PRELID2: variants seen among roughly 807,000 people sequenced by gnomAD.
The protein encoded by PRELID2 is PRELI domain containing 2, also known as PRELI domain-containing protein 2.
Under a neutral mutation model 28.4 loss-of-function variants are expected in PRELID2, and 25 were observed. The observed-to-expected ratio is 0.88, with a 90% CI of 0.64 to 1.23. The LOEUF (loss-of-function observed/expected upper bound fraction) is 1.23. PRELID2 is among the 50% of genes most tolerant of loss of function. The pLI is 0.00. For synonymous variants in PRELID2, 76 were observed against 71.6 expected (o/e 1.06, Z -0.31); for missense variants, 201 against 214.4 (o/e 0.94, Z 0.39).
At chr5:145,643,793 C>T (rs1197022932) in intron 1 of PRELID2, among the ~76,000 whole-genome samples, 1 of 152,100 alleles carries the variant, frequency 6.6e-6, no homozygotes, top group African/African-American at 2.4e-5. Context: ...GTCATTGGTT[C>T]TCTTTATGTG....
chr5:145,512,958 T>C (rs890948613), intron 1 of PRELID2, among the ~76,000 whole-genome samples: 1 of 151,750 alleles, frequency 6.6e-6, no homozygotes, highest in African/African-American at 2.4e-5. Context: ...AAAAAGGACG[T>C]CCACACAAAA....
chr5:145,641,605 G>A (rs1369993367), intron 1 of PRELID2, among the ~76,000 whole-genome samples: 1 of 152,188 alleles, frequency 6.6e-6, no homozygotes, highest in African/African-American at 2.4e-5. Flanking sequence ...GTGGTTTGCT[G>A]CACCCATCAA....
At chr5:145,552,612 G>C (rs939660882) in intron 1 of PRELID2, among the ~76,000 whole-genome samples, 1 of 151,798 alleles carries the variant, frequency 6.6e-6, no homozygotes. Context: ...CAAGAAATTA[G>C]AACCAAAAAG....
At chr5:145,614,378 G>A (rs1463922576) in intron 1 of PRELID2, among the ~76,000 whole-genome samples, 2 of 152,074 alleles carry the variant, frequency 1.3e-5, no homozygotes, top group African/African-American at 4.8e-5. Context: ...ATTTTGATGG[G>A]GATTGCACTG....
At chr5:145,442,323 G>C in the PRELID2 span, among the ~76,000 whole-genome samples, 3 of 152,016 alleles carry the variant, frequency 2.0e-5, no homozygotes, top group Admixed American at 1.3e-4. Context: ...AATACCTTTA[G>C]TTGTGCCTGG....
At chr5:145,599,078 C>T (rs79715377) in intron 1 of PRELID2, among the ~76,000 whole-genome samples, 2,108 of 152,078 alleles carry the variant, frequency 0.014, 47 homozygotes, top group African/African-American at 0.047. Context: ...GTTGTGGGAC[C>T]GAAAGAGCTG....
At chr5:145,485,201 A>G (rs1439875845) in intron 1 of PRELID2, among the ~76,000 whole-genome samples, 1 of 152,252 alleles carries the variant, frequency 6.6e-6, no homozygotes, top group Non-Finnish European at 1.5e-5. Flanking sequence ...GAATTCTGGA[A>G]GAACTAATAG....
intron 1 of PRELID2, among the ~76,000 whole-genome samples, chr5:145,582,686 G>A (rs974703747): frequency 6.6e-6 from 1 of 152,048 alleles, no homozygotes; most frequent in Non-Finnish European, 1.5e-5. Flanking sequence ...ACAGAAACTA[G>A]CAAATACAGA....
At chr5:145,800,343 C>T (rs1753052445) in intron 4 of PRELID2, among the ~76,000 whole-genome samples, 2 of 148,100 alleles carry the variant, frequency 1.4e-5, no homozygotes, top group Admixed American at 1.4e-4. Context: ...CACGAGTTAT[C>T]CCATCCACTC....
At chr5:145,512,238 TCTAA>T (rs1752468106) in intron 1 of PRELID2, among the ~76,000 whole-genome samples, 1 of 152,094 alleles carries the variant, frequency 6.6e-6, no homozygotes, top group African/African-American at 2.4e-5. Context: ...TTTCTACACT[TCTAA>T]CTGAGGTACC....
intron 1 of PRELID2, among the ~76,000 whole-genome samples, chr5:145,539,426 T>A (rs1298586655): frequency 6.6e-6 from 1 of 151,978 alleles, no homozygotes; most frequent in Non-Finnish European, 1.5e-5. Context: ...AGCCCAAGAA[T>A]CTGTATTCTA....
the PRELID2 span, among the ~76,000 whole-genome samples, chr5:145,435,301 G>A: frequency 9.2e-5 from 14 of 152,160 alleles, no homozygotes; most frequent in Non-Finnish European, 1.3e-4. Context: ...GGTGACACTT[G>A]AGCTGACTCA....
At chr5:145,364,670 T>C in the PRELID2 span, among the ~76,000 whole-genome samples, 10 of 152,126 alleles carry the variant, frequency 6.6e-5, no homozygotes, top group Admixed American at 5.3e-4. Context: ...GAGTAGCTCC[T>C]GGAGAGTAAA....
At chr5:145,371,906 C>T in the PRELID2 span, among the ~76,000 whole-genome samples, 3 of 144,794 alleles carry the variant, frequency 2.1e-5, no homozygotes, top group Admixed American at 1.4e-4. Context: ...AAAAACAGCT[C>T]CTGGATTCAT....
intron 1 of PRELID2, among the ~76,000 whole-genome samples, chr5:145,516,564 A>G (rs1752518713): frequency 6.6e-6 from 1 of 152,186 alleles, no homozygotes; most frequent in Non-Finnish European, 1.5e-5. Context: ...CATATTGCCC[A>G]AAGTAATTTA....
At chr5:145,525,133 T>C (rs183169689) in intron 1 of PRELID2, among the ~76,000 whole-genome samples, 2 of 152,312 alleles carry the variant, frequency 1.3e-5, no homozygotes, top group Admixed American at 1.3e-4. Context: ...ATTATTTCAA[T>C]ATGTTCACAT....
intron 1 of PRELID2, among the ~76,000 whole-genome samples, chr5:145,674,077 A>C (rs1384929263): frequency 1.3e-5 from 2 of 152,192 alleles, no homozygotes; most frequent in Non-Finnish European, 2.9e-5. Context: ...AACACCAAAA[A>C]ATATAAGAAA....
At chr5:145,479,791 C>G (rs1752139653) in intron 1 of PRELID2, among the ~76,000 whole-genome samples, 1 of 152,104 alleles carries the variant, frequency 6.6e-6, no homozygotes, top group Non-Finnish European at 1.5e-5. Flanking sequence ...TGATCCTTTC[C>G]TTAGCCACTA....
Position 145,724,609 on chromosome 5 carries a change from A to ATATATATG in PRELID2, n.70+40321_70+40322insCATATATA, listed in dbSNP as rs1756085075. Among the ~76,000 whole-genome samples, 2 of 45,736 alleles carry ATATATATG rather than the reference A, an allele frequency of 4.4e-5. 1 individual carries two copies. Among genetic ancestry groups the ATATATATG allele is most frequent in the Admixed American group, 4.2e-4 (2 of 4,746 alleles). The allele number at this position is 45,736 out of a possible 152,430, so 30.0% of individuals were successfully genotyped here. On this transcript the variant is annotated intron_variant and non_coding_transcript_variant, in intron 1 of 2. Coordinates refer to the PRELID2 transcript ENST00000510259. Reference sequence around the variant, plus strand: ...TAACAAGAAGTAAATAAATATATATATATATATATATATATATATATATAT... The same window carrying ATATATATG: ...TAACAAGAAGTAAATAAATATATATATATATATGTATATATATATATATATATATATAT...
Sources: allele counts gnomAD v4.1 joint callset (sites outside exome capture counted in the v4.1 genomes callset), GRCh38; gene constraint gnomAD v4.1.1; transcripts MANE v1.5; gene names NCBI Gene and HGNC (gene_info 2026-07-23, HGNC 2026-07-21).